Variants in KLHL1 observed in about 807,000 individuals in gnomAD.
KLHL1 encodes the protein kelch like family member 1.
KLHL1 carries 47 observed loss-of-function variants against 77.7 expected under a neutral mutation model. That is an observed-to-expected ratio of 0.60 (90% CI 0.48 to 0.77). The LOEUF (loss-of-function observed/expected upper bound fraction) is 0.77, where lower values mean the gene tolerates loss of function less well. Among genes scored for constraint, KLHL1 ranks in the 30% least tolerant of loss-of-function variants. The pLI is 0.00. For missense variants in KLHL1, 925 were observed against 910.8 expected (o/e 1.02, Z -0.20); for synonymous variants, 360 against 325.2 (o/e 1.11, Z -1.15).
intron 1 of KLHL1, among the ~76,000 whole-genome samples, chr13:70,031,241 C>T (rs751282429): frequency 3.9e-5 from 6 of 152,142 alleles, no homozygotes; most frequent in South Asian, 2.1e-4. Context: ...ATTCAGCTTT[C>T]CTAAGCTCCT....
chr13:69,784,841 G>C (rs1218175225), intron 7 of KLHL1, among the ~76,000 whole-genome samples: 1 of 145,708 alleles, frequency 6.9e-6, no homozygotes, highest in Non-Finnish European at 1.5e-5. Context: ...GGACCTAATA[G>C]ACATCTACAG....
At chr13:69,913,920 GA>G (rs372872136) in intron 4 of KLHL1, among the ~76,000 whole-genome samples, 4 of 152,288 alleles carry the variant, frequency 2.6e-5, no homozygotes, top group African/African-American at 9.6e-5. Flanking sequence ...AGTGGACTGG[GA>G]AAGGCAGACC....
intron 5 of KLHL1, among the ~76,000 whole-genome samples, chr13:69,855,868 T>TGC (rs1879894613): frequency 1.4e-5 from 2 of 144,576 alleles, no homozygotes; most frequent in African/African-American, 5.1e-5. Flanking sequence ...TAATATATTA[T>TGC]ATATTATATA....
chr13:70,099,011 C>CA (rs1223752059), intron 1 of KLHL1, among the ~76,000 whole-genome samples: 1 of 151,556 alleles, frequency 6.6e-6, no homozygotes, highest in Non-Finnish European at 1.5e-5. Flanking sequence ...GCTTCTTACT[C>CA]AAAAAATAAT....
intron 2 of KLHL1, 45 bp from the exon 3 acceptor site, chr13:69,961,489 G>C: frequency 6.2e-7 from 1 of 1,604,484 alleles, no homozygotes; most frequent in South Asian, 1.1e-5. Flanking sequence ...ATGTAAGGCA[G>C]AAAATCACTG....
chr13:70,021,792 G>A (rs1885804861), intron 1 of KLHL1, among the ~76,000 whole-genome samples: 1 of 151,874 alleles, frequency 6.6e-6, no homozygotes, highest in Non-Finnish European at 1.5e-5. Flanking sequence ...TTTTGGTGAG[G>A]TATTTTTTAA....
intron 5 of KLHL1, among the ~76,000 whole-genome samples, chr13:69,839,905 AT>A (rs1483164430): frequency 1.3e-5 from 2 of 151,920 alleles, no homozygotes; most frequent in Non-Finnish European, 2.9e-5. Context: ...CGCTCTTTAG[AT>A]TATTTTTCTC....
intron 1 of KLHL1, among the ~76,000 whole-genome samples, chr13:70,016,196 C>G (rs1885653115): frequency 6.6e-6 from 1 of 152,230 alleles, no homozygotes; most frequent in African/African-American, 2.4e-5. Flanking sequence ...CAATAGTTCT[C>G]CAATTTAACC....
rs191520097 is a variant in KLHL1, at chr13:69,738,992, C to A, written c.1802+1402G>T. On this transcript the variant is annotated intron_variant, in intron 8 of 10. Transcript: ENST00000377844. The stretch of plus-strand genomic sequence containing the variant: ...GAAATGAAGAAAACAATGCAAAGGG[C>A]AGCCAGAGAGAAAGGCCAGGTCACC... Among the ~76,000 whole-genome samples, 756 of 152,238 alleles carry A rather than the reference C, an allele frequency of 5.0e-3. 3 individuals carry two copies. Among genetic ancestry groups the A allele is most frequent in the African/African-American group, 0.018 (739 of 41,550 alleles).
intron 2 of KLHL1, among the ~76,000 whole-genome samples, chr13:69,967,950 G>A (rs1199629560): frequency 2.6e-5 from 4 of 151,958 alleles, no homozygotes; most frequent in Non-Finnish European, 5.9e-5. Flanking sequence ...CAGCAGTAGG[G>A]TTGAAGAGAA....
At chr13:70,009,555 G>A (rs979241427) in intron 1 of KLHL1, among the ~76,000 whole-genome samples, 23 of 152,200 alleles carry the variant, frequency 1.5e-4, no homozygotes, top group African/African-American at 5.5e-4. Context: ...ACCTTCCAGC[G>A]ATGCGACTAT....
chr13:69,892,973 G>A (rs1246653194), intron 4 of KLHL1, among the ~76,000 whole-genome samples: 1 of 152,058 alleles, frequency 6.6e-6, no homozygotes, highest in Non-Finnish European at 1.5e-5. Context: ...TTTCCCTTCT[G>A]GGATGAATAA....
At chr13:69,905,344 C>T (rs368941745) in intron 4 of KLHL1, among the ~76,000 whole-genome samples, 30 of 152,102 alleles carry the variant, frequency 2.0e-4, no homozygotes, top group African/African-American at 6.7e-4. Flanking sequence ...AATTGTATGT[C>T]AATAAGAGCA....
chr13:69,777,621 C>T (rs187883751), intron 7 of KLHL1, among the ~76,000 whole-genome samples: 205 of 152,222 alleles, frequency 1.3e-3, no homozygotes, highest in African/African-American at 4.8e-3. Context: ...TTACACATTT[C>T]ACTTTTTTGG....
At chr13:69,891,321 T>A (rs1881419847) in intron 4 of KLHL1, among the ~76,000 whole-genome samples, 1 of 152,070 alleles carries the variant, frequency 6.6e-6, no homozygotes. Context: ...TATTAATTTT[T>A]TAAAAAAGAA....
intron 7 of KLHL1, among the ~76,000 whole-genome samples, chr13:69,745,362 A>G (rs1343148567): frequency 1.3e-5 from 2 of 152,132 alleles, no homozygotes; most frequent in Admixed American, 1.3e-4. Context: ...AATTTTAAAT[A>G]TGGATATAAA....
chr13:69,790,095 A>G (rs560213943), intron 7 of KLHL1, among the ~76,000 whole-genome samples: 1 of 152,152 alleles, frequency 6.6e-6, no homozygotes, highest in East Asian at 1.9e-4. Context: ...TAAGCTAACC[A>G]TTATGTTTCC....
rs547214373 is a variant in KLHL1 at position 69,929,608 on chromosome 13, A to G, written c.1014+10432T>C. Among the ~76,000 whole-genome samples, 19 of 151,960 alleles carry G rather than the reference A, an allele frequency of 1.3e-4. 1 individual carries two copies. In the South Asian group the frequency reaches 3.7e-3, roughly 30 times the overall value. On this transcript the variant is annotated intron_variant, in intron 4 of 10. Coordinates refer to ENST00000377844, the MANE Select transcript of KLHL1 (RefSeq NM_020866.3). Reference sequence around the variant, plus strand: ...TTTTGGTGGTGCTGTATCATCTCATATATTATTTTAAAATTGAACTTCAAT... The same window carrying G: ...TTTTGGTGGTGCTGTATCATCTCATGTATTATTTTAAAATTGAACTTCAAT...
At chr13:69,818,089 C>T (rs1169758710) in intron 6 of KLHL1, among the ~76,000 whole-genome samples, 1 of 151,888 alleles carries the variant, frequency 6.6e-6, no homozygotes, top group Non-Finnish European at 1.5e-5. Flanking sequence ...TAAAAGAAAA[C>T]TTCGCTTTTC....
Sources: allele counts gnomAD v4.1 joint callset (sites outside exome capture counted in the v4.1 genomes callset), GRCh38; gene constraint gnomAD v4.1.1; transcripts MANE v1.5; gene names NCBI Gene and HGNC (gene_info 2026-07-23, HGNC 2026-07-21).